The following C13orf42 variants were observed in gnomAD, a reference collection of about 807,000 sequenced individuals.
C13orf42 encodes chromosome 13 open reading frame 42.
chr13:51,101,624 G>T (rs910031876), intron 1 of C13orf42, among the ~76,000 whole-genome samples: 2 of 152,294 alleles, frequency 1.3e-5, no homozygotes, highest in Middle Eastern at 3.4e-3. Flanking sequence ...CAGGTAATTG[G>T]TTTACTGAGC....
intron 1 of C13orf42, among the ~76,000 whole-genome samples, chr13:51,155,941 G>C (rs573633950): frequency 6.6e-6 from 1 of 152,298 alleles, no homozygotes; most frequent in East Asian, 1.9e-4. Context: ...GATGGCACAA[G>C]CTGGAAAAGT....
chr13:51,140,896 T>C (rs1029211351), intron 1 of C13orf42, among the ~76,000 whole-genome samples: 6 of 152,290 alleles, frequency 3.9e-5, no homozygotes, highest in Middle Eastern at 3.4e-3. Context: ...CTACTCAAGT[T>C]AGCATTAACA....
chr13:51,089,889 G>T (rs1279115150), intron 1 of C13orf42, among the ~76,000 whole-genome samples: 1 of 151,896 alleles, frequency 6.6e-6, no homozygotes, highest in Admixed American at 6.6e-5. Context: ...AAAAGCTTCT[G>T]CCAGTTGGAA....
chr13:51,088,184 T>C (rs1375749179), intron 1 of C13orf42, 109 bp from the exon 2 acceptor site: 1 of 395,640 alleles, frequency 2.5e-6, no homozygotes, highest in East Asian at 3.6e-5. Flanking sequence ...TAGGGATTTG[T>C]GAGGTTTCAA....
chr13:51,104,283 G>A lies in C13orf42; in HGVS notation c.414+6513C>T, dbSNP rs1003027098. Among the ~76,000 whole-genome samples the A allele has an allele frequency of 2.6e-5, 4 of 152,126 alleles. No homozygotes were observed. The South Asian group carries it at 6.2e-4, about 24-fold the overall frequency. On this transcript the variant is annotated intron_variant, in intron 1 of 3. Coordinates refer to ENST00000563710, the MANE Select transcript of C13orf42 (RefSeq NM_001351589.3). ...AATGATAATTTGGAAAAGCTCATGGGAGACTAGTGTGAAAGACCCTGGTTA... is the reference window on the plus strand; with the variant it reads ...AATGATAATTTGGAAAAGCTCATGGAAGACTAGTGTGAAAGACCCTGGTTA...
chr13:51,151,736 C>T (rs1765737926), intron 1 of C13orf42, among the ~76,000 whole-genome samples: 1 of 152,202 alleles, frequency 6.6e-6, no homozygotes, highest in African/African-American at 2.4e-5. Context: ...GAGCACTGAG[C>T]TGATGGTGCT....
At chr13:51,084,807 G>A (rs1953104895) in intron 3 of C13orf42, among the ~76,000 whole-genome samples, 1 of 152,180 alleles carries the variant, frequency 6.6e-6, no homozygotes, top group Admixed American at 6.5e-5. Context: ...CCTGGGGGAG[G>A]AGGATCTAAA....
At chr13:51,171,894 C>T (rs1315153463) in intron 1 of C13orf42, 2 of 152,250 alleles carry the variant, frequency 1.3e-5, no homozygotes, top group African/African-American at 4.8e-5. Flanking sequence ...GCTCAATATA[C>T]ATTTTATTAC....
intron 1 of C13orf42, among the ~76,000 whole-genome samples, chr13:51,098,762 G>T (rs1158088338): frequency 6.6e-6 from 1 of 151,866 alleles, no homozygotes; most frequent in Non-Finnish European, 1.5e-5. Context: ...ACTGAGAGTT[G>T]CTGCCTCAAG....
chr13:51,123,635 G>A (rs1284911175), intron 1 of C13orf42, among the ~76,000 whole-genome samples: 2 of 152,152 alleles, frequency 1.3e-5, no homozygotes, highest in African/African-American at 4.8e-5. Flanking sequence ...ACATGGGGCA[G>A]GAATAAATTC....
intron 1 of C13orf42, among the ~76,000 whole-genome samples, chr13:51,124,472 G>T (rs1401758481): frequency 2.0e-5 from 3 of 152,180 alleles, no homozygotes; most frequent in African/African-American, 4.8e-5. Flanking sequence ...GTGCTTTCAG[G>T]TTGTGCTACG....
At chr13:51,130,898 T>C (rs1421832427) in intron 1 of C13orf42, among the ~76,000 whole-genome samples, 1 of 151,488 alleles carries the variant, frequency 6.6e-6, no homozygotes, top group African/African-American at 2.4e-5. Context: ...CAAGGAAATG[T>C]GGATTTTTTT....
At position 51,119,663 on chromosome 13, in the gene C13orf42, A is replaced by T. The variant is rs926499803; in HGVS notation, n.137-6441T>A. ...GAAATAAGACAGACACAAAAAGACAAATACTGTATGATTTCACTTATATGA... is the reference window on the plus strand; with the variant it reads ...GAAATAAGACAGACACAAAAAGACATATACTGTATGATTTCACTTATATGA... On this transcript the variant is annotated intron_variant and non_coding_transcript_variant, in intron 1 of 4. Coordinates refer to the C13orf42 transcript ENST00000433280. 3.3e-5 allele frequency among the ~76,000 whole-genome samples: 5 copies of T among 152,196 alleles called. No homozygotes were observed. In the East Asian group the frequency reaches 9.6e-4, roughly 29 times the overall value.
In C13orf42 at chr13:51,083,012, C is replaced by A. The variant is rs1953080526; in HGVS notation, c.*1139G>T. 1 of 152,222 alleles carries A rather than the reference C, an allele frequency of 6.6e-6. No homozygotes were observed. Among genetic ancestry groups the A allele is most frequent in the Admixed American group, 6.5e-5 (1 of 15,280 alleles). 9.4% of individuals were successfully genotyped at this position (152,222 alleles called of 1,614,324 possible). A position where few individuals can be genotyped will look rare whatever the true frequency, so the allele number is the denominator to read the frequency against. On this transcript the variant is annotated 3_prime_UTR_variant, in exon 4 of 4. Transcript: ENST00000563710. ...GTTCAGTTCTTAGCCTGACCTTAGCCTAGAACATCCTTGGCTTAATTCAAA... is the reference window on the plus strand; with the variant it reads ...GTTCAGTTCTTAGCCTGACCTTAGCATAGAACATCCTTGGCTTAATTCAAA...
intron 1 of C13orf42, among the ~76,000 whole-genome samples, chr13:51,136,039 C>A (rs934249443): frequency 6.6e-6 from 1 of 152,144 alleles, no homozygotes; most frequent in Non-Finnish European, 1.5e-5. Flanking sequence ...GCCAAGGTCA[C>A]GGGTGAGAGT....
intron 1 of C13orf42, among the ~76,000 whole-genome samples, chr13:51,165,918 A>T (rs1456247497): frequency 6.6e-6 from 1 of 152,252 alleles, no homozygotes; most frequent in East Asian, 1.9e-4. Context: ...CCCAAATAAT[A>T]ATGACAGCCA....
At chr13:51,126,805 C>G (rs913633385) in intron 1 of C13orf42, among the ~76,000 whole-genome samples, 12 of 152,170 alleles carry the variant, frequency 7.9e-5, no homozygotes, top group Non-Finnish European at 1.0e-4. Context: ...AATGCCACAC[C>G]TGATTATTTC....
intron 2 of C13orf42, among the ~76,000 whole-genome samples, chr13:51,086,327 C>CAAAAAAAAAAAAAAAAAAAAAA (rs11440988): frequency 8.0e-6 from 1 of 125,592 alleles, no homozygotes. Context: ...CAAAAAAAAA[C>CAAAAAAAAAAAAAAAAAAAAAA]AAAAAAAAAA....
At chr13:51,172,092 C>CGCA (rs1222032252) in intron 1 of C13orf42, 1 of 152,082 alleles carries the variant, frequency 6.6e-6, no homozygotes, top group Non-Finnish European at 1.5e-5. Flanking sequence ...ACGCCTGAAC[C>CGCA]GCAGCGGCCA....
Sources: gnomAD v4.1 joint callset for allele counts (sites outside exome capture counted in the v4.1 genomes callset) on GRCh38, gnomAD v4.1.1 for gene constraint, MANE v1.5 for transcripts, NCBI Gene and HGNC (gene_info 2026-07-23, HGNC 2026-07-21) for gene names.